The following PI4K2A variants were observed in gnomAD, a reference collection of about 807,000 sequenced individuals.
The protein encoded by PI4K2A is phosphatidylinositol 4-kinase type 2 alpha, also known as phosphatidylinositol 4-kinase type 2-alpha.
In PI4K2A, 20 loss-of-function variants were observed where a neutral mutation model predicts 55.0. The observed-to-expected ratio is 0.36, with a 90% CI of 0.26 to 0.53. The LOEUF is 0.53. Ranked by LOEUF, PI4K2A falls within the 20% of genes least tolerant of loss-of-function variation. The probability of loss-of-function intolerance (pLI) is 0.91; values close to 1 mark genes in which losing one functional copy is unlikely to be tolerated. For synonymous variants in PI4K2A, 235 were observed against 258.5 expected, an observed-to-expected ratio of 0.91 and a Z score of 0.87; for missense variants, 463 against 637.1, an observed-to-expected ratio of 0.73 and a Z score of 2.94.
chr10:97,654,783 G>A (rs973743328), intron 2 of PI4K2A, among the ~76,000 whole-genome samples: 71 of 147,272 alleles, frequency 4.8e-4, no homozygotes, highest in Non-Finnish European at 6.7e-4. Flanking sequence ...ATGCATATGT[G>A]GATTACAATT....
chr10:97,673,523 G>C, intron 8 of PI4K2A, 58 bp from the exon 9 acceptor site: 2 of 1,477,946 alleles, frequency 1.4e-6, no homozygotes, highest in Admixed American at 1.7e-5. Context: ...TCTCCTTTCA[G>C]AGGCAGATCT....
chr10:97,666,918 G>T (rs2041612356), intron 7 of PI4K2A, 143 bp from the exon 8 acceptor site: 3 of 675,202 alleles, frequency 4.4e-6, no homozygotes, highest in Non-Finnish European at 5.4e-6. Context: ...AAAGCAGGGA[G>T]TTCTTGTGGG....
intron 4 of PI4K2A, among the ~76,000 whole-genome samples, chr10:97,659,326 G>T (rs189749545): frequency 6.6e-6 from 1 of 151,960 alleles, no homozygotes; most frequent in South Asian, 2.1e-4. Flanking sequence ...GAACAACTGC[G>T]CCTGGCTTGC....
chr10:97,665,002 GGTGGTCTGGCTCTTCCCTTGCTCA>G lies in PI4K2A; in HGVS notation c.1084+21_1084+44del, dbSNP rs2041603117. On this transcript the variant is annotated intron_variant, in intron 6 of 8. Coordinates refer to ENST00000370631, the Ensembl canonical transcript of PI4K2A. ...GAGGGCATGTAAGTCTCCAGACAAT[GGTGGTCTGGCTCTTCCCTTGCTCA>G]GTATATTTTCTCACTGTGCAGTGGA... is the stretch of plus-strand genomic sequence containing the variant. The G allele has an allele frequency of 2.0e-6, 3 of 1,475,060 alleles. No homozygotes were observed. The African/African-American group carries it at 4.2e-5, about 20-fold the overall frequency. 91.4% of individuals were successfully genotyped at this position (1,475,060 alleles called of 1,614,324 possible).
intron 8 of PI4K2A, among the ~76,000 whole-genome samples, chr10:97,671,444 C>T: frequency 6.6e-6 from 1 of 151,036 alleles, no homozygotes; most frequent in Non-Finnish European, 1.5e-5. Context: ...AGAGTGAGAC[C>T]CTGTCTCAGA....
At chr10:97,661,664 A>G (rs765980651) in intron 4 of PI4K2A, among the ~76,000 whole-genome samples, 8 of 151,578 alleles carry the variant, frequency 5.3e-5, no homozygotes, top group Non-Finnish European at 8.8e-5. Flanking sequence ...CCAGGTTAAT[A>G]TGTTTCTTAA....
At position 97,656,253 on chromosome 10, in the gene PI4K2A, C is replaced by T. The variant is rs1347520851; in HGVS notation, c.637-32C>T. On this transcript the variant is annotated intron_variant, in intron 2 of 8. Coordinates refer to ENST00000370631, the Ensembl canonical transcript of PI4K2A. The surrounding 1 kb of genome is among the most constrained non-coding windows in gnomAD (Gnocchi z 4.5). ...GTCTTCTGGTTCCTTAAACTTGACT[C>T]TAACCTTAGTATCTCTTCTCTTTCA... The T allele has an allele frequency of 2.5e-6, 4 of 1,596,350 alleles. No homozygotes were observed. The highest frequency in any genetic ancestry group is 3.4e-6 in the Non-Finnish European group (4 of 1,165,150).
chr10:97,645,579 G>A (rs2135752429), intron 1 of PI4K2A, among the ~76,000 whole-genome samples: 1 of 142,266 alleles, frequency 7.0e-6, no homozygotes, highest in East Asian at 2.1e-4. Flanking sequence ...CTGCTCTCCA[G>A]CCTGGGCGAG....
At chr10:97,665,600 AT>A (rs1203275133) in intron 6 of PI4K2A, among the ~76,000 whole-genome samples, 13 of 130,984 alleles carry the variant, frequency 9.9e-5, no homozygotes, top group African/African-American at 1.7e-4. Flanking sequence ...TTATTTATTT[AT>A]TTTTTTTTTG....
chr10:97,656,185 G>A lies in PI4K2A; in HGVS notation c.637-100G>A. On this transcript the variant is annotated intron_variant, in intron 2 of 8. Coordinates refer to ENST00000370631, the Ensembl canonical transcript of PI4K2A. The surrounding 1 kb of genome is among the most constrained non-coding windows in gnomAD (Gnocchi z 4.5). The stretch of plus-strand genomic sequence containing the variant: ...TGTATTCTTTCTGTGCCCTGGAAGA[G>A]GAATAGGATTTGTGAACATCAAGCT... 1.0e-6 allele frequency: 1 copy of A among 955,448 alleles called. No individual in the cohort carries two copies. The allele number at this position is 955,448 out of a possible 1,614,324, so 59.2% of individuals were successfully genotyped here. A position where few individuals can be genotyped will look rare whatever the true frequency, so the allele number is the denominator to read the frequency against.
intron 1 of PI4K2A, 32 bp from the exon 2 acceptor site, chr10:97,650,908 AT>A: frequency 6.4e-7 from 1 of 1,558,800 alleles, no homozygotes; most frequent in Non-Finnish European, 8.8e-7. Flanking sequence ...GTCAACTCGG[AT>A]TTAACATCCT....
intron 4 of PI4K2A, among the ~76,000 whole-genome samples, chr10:97,661,959 G>A (rs7901060): frequency 0.48 from 71,725 of 150,516 alleles, 18,126 homozygotes; most frequent in African/African-American, 0.66. Context: ...GGCTCAAGCT[G>A]TCCTGCCTCA....
At chr10:97,642,713 G>A (rs1564772159) in intron 1 of PI4K2A, among the ~76,000 whole-genome samples, 1 of 152,040 alleles carries the variant, frequency 6.6e-6, no homozygotes, top group Non-Finnish European at 1.5e-5. Flanking sequence ...AAAAGAGCTT[G>A]CAAGCTCAAG....
In PI4K2A at chr10:97,642,875, T is replaced by TTC. The variant is rs1348244304; in HGVS notation, c.435+1700_435+1701dup. On this transcript the variant is annotated intron_variant, in intron 1 of 8. Transcript: ENST00000370631. ...CCTTTCTTTCTTTCTTTTTCTTTCT[T>TTC]TCTTTCTTTCTTCCTTCCTTCCTTC... 1.6e-5 allele frequency among the ~76,000 whole-genome samples: 2 copies of TTC among 123,500 alleles called. 1 individual carries two copies. Among genetic ancestry groups the TTC allele is most frequent in the Non-Finnish European group, 3.4e-5 (2 of 59,130 alleles). 81.0% of individuals were successfully genotyped at this position (123,500 alleles called of 152,430 possible).
At chr10:97,640,997 C>G (rs947651367) in exon 1 of PI4K2A, 1 of 1,544,494 alleles carries the variant, frequency 6.5e-7, no homozygotes, top group Non-Finnish European at 8.7e-7. Context: ...AGGCTCTGGC[C>G]GCTCAGGCCG....
chr10:97,649,710 G>A (rs936173910), intron 1 of PI4K2A, among the ~76,000 whole-genome samples: 1 of 127,792 alleles, frequency 7.8e-6, no homozygotes, highest in African/African-American at 2.8e-5. Context: ...TGCAACCTCC[G>A]CCTCCTGAGT....
In PI4K2A at chr10:97,656,872, C is replaced by T. The variant is rs1341762679; in HGVS notation, c.820C>T (p.Leu274=). The change falls in exon 4 of 9, where the codon CTG becomes TTG. Residue 274 remains leucine, a synonymous_variant. Coordinates refer to ENST00000370631, the Ensembl canonical transcript of PI4K2A. The surrounding 1 kb of genome is among the most constrained non-coding windows in gnomAD (Gnocchi z 4.5). Reference sequence around the variant, plus strand: ...AGGCTACAAAGATGCAGACTATTGGCTGCGGCGTTTTGAAGCAGAACCTCT... The same window carrying T: ...AGGCTACAAAGATGCAGACTATTGGTTGCGGCGTTTTGAAGCAGAACCTCT... 6.2e-7 allele frequency: 1 copy of T among 1,614,082 alleles called. No homozygotes were observed. Among genetic ancestry groups the T allele is most frequent in the South Asian group, 1.1e-5 (1 of 91,084 alleles).
At chr10:97,668,071 G>T (rs1200856565) in intron 8 of PI4K2A, among the ~76,000 whole-genome samples, 1 of 152,138 alleles carries the variant, frequency 6.6e-6, no homozygotes, top group Non-Finnish European at 1.5e-5. Flanking sequence ...CTTGAAAAAT[G>T]GTTTGAAAAC....
intron 1 of PI4K2A, 149 bp downstream of exon 1, chr10:97,641,326 C>A: frequency 1.6e-6 from 1 of 611,732 alleles, no homozygotes; most frequent in South Asian, 1.9e-5. Flanking sequence ...AGGACTGGAG[C>A]TGGGGACGCT....
Sources: allele counts gnomAD v4.1 joint callset (sites outside exome capture counted in the v4.1 genomes callset), GRCh38; gene constraint gnomAD v4.1.1; non-coding constraint Gnocchi (gnomAD v3.1); transcripts MANE v1.5; gene names NCBI Gene and HGNC (gene_info 2026-07-23, HGNC 2026-07-21).